Variants in MUC7 observed in about 807,000 individuals in gnomAD.
The protein encoded by MUC7 is mucin 7, secreted, also known as mucin-7.
Under a neutral mutation model 2.5 loss-of-function variants are expected in MUC7, and 2 were observed. The ratio of observed to expected loss-of-function variants is 0.81; its 90% CI spans 0.33 to 2.55. MUC7 has a LOEUF of 2.55. Ranked by LOEUF, MUC7 falls within the 30% of genes most tolerant of loss-of-function variation. The pLI is 0.11. For missense variants in MUC7, 408 were observed against 455.6 expected (o/e 0.90, Z 0.95); for synonymous variants, 133 against 173.4 (o/e 0.77, Z 1.83).
rs370619973 is a variant in MUC7 at position 70,433,372 on chromosome 4, T to G, written c.-93+2685T>G. ...TCTTCCTACCCATGAGCATGGAAAT[T>G]TCTTCCATTTGTTTGTGTCCTCTTT... On this transcript the variant is annotated intron_variant, in intron 1 of 3. Coordinates refer to the MUC7 transcript ENST00000413702. Among the ~76,000 whole-genome samples, 253 of 152,292 alleles carry G rather than the reference T, an allele frequency of 1.7e-3. 3 individuals carry two copies. The Middle Eastern group carries it at 0.044, about 27-fold the overall frequency.
chr4:70,436,668 T>C (rs755256633), intron 1 of MUC7, among the ~76,000 whole-genome samples: 1 of 152,140 alleles, frequency 6.6e-6, no homozygotes, highest in Non-Finnish European at 1.5e-5. Flanking sequence ...GAGAAGTTTG[T>C]TATTACCAAC....
intron 1 of MUC7, among the ~76,000 whole-genome samples, chr4:70,445,306 T>C (rs12513161): frequency 0.81 from 122,303 of 151,592 alleles, 49,806 homozygotes; most frequent in Middle Eastern, 0.88. Context: ...ACAACTCCAC[T>C]AACTGTTGCT....
chr4:70,431,899 G>GC (rs771311210), intron 1 of MUC7, among the ~76,000 whole-genome samples: 14 of 151,432 alleles, frequency 9.2e-5, no homozygotes, highest in Non-Finnish European at 1.9e-4. Flanking sequence ...CCTCCCCTCT[G>GC]CCCCCACCCC....
intron 1 of MUC7, among the ~76,000 whole-genome samples, chr4:70,450,362 C>A (rs1199630869): frequency 6.6e-6 from 1 of 152,192 alleles, no homozygotes; most frequent in Non-Finnish European, 1.5e-5. Flanking sequence ...TGTCCCAGGG[C>A]AGGTCTAGAA....
At chr4:70,461,944 G>A (rs541681400) in intron 1 of MUC7, among the ~76,000 whole-genome samples, 2 of 152,214 alleles carry the variant, frequency 1.3e-5, no homozygotes, top group Non-Finnish European at 2.9e-5. Flanking sequence ...GACCATAGTG[G>A]CCCATGCCAG....
At chr4:70,477,071 C>G (rs1048129410) in intron 2 of MUC7, among the ~76,000 whole-genome samples, 1 of 152,244 alleles carries the variant, frequency 6.6e-6, no homozygotes, top group Middle Eastern at 3.4e-3. Context: ...TAAAAATAAG[C>G]TGGTAGCAAA....
At chr4:70,445,312 T>C (rs1488588417) in intron 1 of MUC7, among the ~76,000 whole-genome samples, 3 of 152,170 alleles carry the variant, frequency 2.0e-5, no homozygotes, top group African/African-American at 7.2e-5. Context: ...CCACTAACTG[T>C]TGCTCCAGCT....
intron 1 of MUC7, among the ~76,000 whole-genome samples, chr4:70,463,627 AAT>A (rs2109729501): frequency 6.6e-6 from 1 of 152,304 alleles, no homozygotes; most frequent in Admixed American, 6.5e-5. Context: ...GCTAATTTAA[AAT>A]ATGTCATAAT....
Position 70,434,193 on chromosome 4 carries a change from G to T in MUC7, c.-93+3506G>T, listed in dbSNP as rs530317148. 4.6e-5 allele frequency among the ~76,000 whole-genome samples: 7 copies of T among 152,100 alleles called. No individual in the cohort carries two copies. In the South Asian group the frequency reaches 1.0e-3, roughly 23 times the overall value. On this transcript the variant is annotated intron_variant, in intron 1 of 3. Coordinates refer to the MUC7 transcript ENST00000413702. ...TGGCCTAAAATTAACTTTTTTTGTT[G>T]TGTCTCTGCCAGGTTTGGTATCAGG...
At chr4:70,479,139 A>T (rs1735095288) in intron 2 of MUC7, among the ~76,000 whole-genome samples, 2 of 152,232 alleles carry the variant, frequency 1.3e-5, no homozygotes, top group Non-Finnish European at 2.9e-5. Context: ...TAATTGAATG[A>T]CTTTGGGCAA....
intron 1 of MUC7, among the ~76,000 whole-genome samples, chr4:70,459,835 G>A (rs1466327841): frequency 1.3e-5 from 2 of 152,074 alleles, no homozygotes; most frequent in Non-Finnish European, 2.9e-5. Flanking sequence ...ATGCCCCACA[G>A]TTACCCTGAC....
chr4:70,431,527 T>C (rs1392304098), intron 1 of MUC7, among the ~76,000 whole-genome samples: 3 of 152,250 alleles, frequency 2.0e-5, no homozygotes, highest in South Asian at 2.1e-4. Flanking sequence ...ATTCTAGAAG[T>C]ATATAATGTT....
At chr4:70,459,624 A>G (rs1734504367) in intron 1 of MUC7, among the ~76,000 whole-genome samples, 1 of 152,212 alleles carries the variant, frequency 6.6e-6, no homozygotes, top group African/African-American at 2.4e-5. Context: ...ACAAATATGT[A>G]TGGAAGCTTT....
intron 1 of MUC7, among the ~76,000 whole-genome samples, chr4:70,447,044 G>A (rs1483011280): frequency 8.7e-6 from 1 of 114,496 alleles, no homozygotes; most frequent in Non-Finnish European, 1.7e-5. Flanking sequence ...TTTTCTTTAT[G>A]ATATTATGGA....
chr4:70,480,343 G>C (rs532341651), intron 2 of MUC7, among the ~76,000 whole-genome samples: 1 of 152,136 alleles, frequency 6.6e-6, no homozygotes, highest in Non-Finnish European at 1.5e-5. Context: ...TGGCTGTTTC[G>C]TATTTTGATG....
At chr4:70,465,149 G>A (rs1734650912) in intron 1 of MUC7, among the ~76,000 whole-genome samples, 2 of 152,206 alleles carry the variant, frequency 1.3e-5, no homozygotes, top group Admixed American at 6.5e-5. Context: ...CAGACCTAGG[G>A]CAGAGGGGCC....
In MUC7 at chr4:70,481,519, G is replaced by A. The variant is rs777091818; in HGVS notation, c.775G>A (p.Ala259Thr). 3.1e-6 allele frequency: 5 copies of A among 1,604,980 alleles called. No homozygotes were observed. Among genetic ancestry groups the A allele is most frequent in the Non-Finnish European group, 8.5e-7 (1 of 1,177,068 alleles). Reference sequence around the variant, plus strand: ...TTCCTCAGCTCCACCAGAGACCACAGCTGTCCCACCCACACCTTCTGCAAC... The same window carrying A: ...TTCCTCAGCTCCACCAGAGACCACAACTGTCCCACCCACACCTTCTGCAAC... ...LSSSAPPETT[A>T]VPPTPSATTL... Residue 259 changes from alanine to threonine, a missense_variant, in exon 3 of 3, where the codon GCT becomes ACT. This residue lies in a region of MUC7 where 175 missense variants were observed against 187.1 expected (regional missense o/e 0.94). Coordinates refer to ENST00000304887, the MANE Select transcript of MUC7 (RefSeq NM_152291.3).
chr4:70,437,576 A>T (rs928570584), intron 1 of MUC7, among the ~76,000 whole-genome samples: 21 of 152,200 alleles, frequency 1.4e-4, no homozygotes, highest in African/African-American at 5.1e-4. Context: ...AGACCATGGT[A>T]AAAGTGCAGT....
At chr4:70,466,135 C>A (rs1026083995) in intron 1 of MUC7, among the ~76,000 whole-genome samples, 8 of 152,104 alleles carry the variant, frequency 5.3e-5, no homozygotes, top group African/African-American at 1.7e-4. Context: ...ATTTTTGACC[C>A]AGAATTTCAT....
Sources: gnomAD v4.1 joint callset for allele counts (sites outside exome capture counted in the v4.1 genomes callset) on GRCh38, gnomAD v4.1.1 for gene constraint, gnomAD v4.1.1 regional missense constraint, MANE v1.5 for transcripts, NCBI Gene and HGNC (gene_info 2026-07-23, HGNC 2026-07-21) for gene names.